ADAMTS16: variants seen among roughly 807,000 people sequenced by gnomAD.
ADAMTS16 encodes ADAM metallopeptidase with thrombospondin type 1 motif 16.
ADAMTS16 carries 94 observed loss-of-function variants against 145.8 expected under a neutral mutation model. The observed-to-expected ratio is 0.64, with a 90% CI of 0.55 to 0.77. ADAMTS16 has a LOEUF of 0.77. Ranked by LOEUF, ADAMTS16 falls within the 30% of genes least tolerant of loss-of-function variation. ADAMTS16 has a pLI of 0.00. For missense variants in ADAMTS16, 1,585 were observed against 1,591.5 expected, an observed-to-expected ratio of 1.00 and a Z score of 0.07; for synonymous variants, 659 against 604.3, an observed-to-expected ratio of 1.09 and a Z score of -1.33.
chr5:5,188,715 CT>C (rs1348570146), intron 6 of ADAMTS16, among the ~76,000 whole-genome samples: 1 of 152,094 alleles, frequency 6.6e-6, no homozygotes, highest in African/African-American at 2.4e-5. Flanking sequence ...TGTTAAAGTT[CT>C]GGGATGCTGC....
intron 9 of ADAMTS16, among the ~76,000 whole-genome samples, chr5:5,205,107 C>T (rs187366967): frequency 3.0e-3 from 453 of 150,992 alleles, no homozygotes; most frequent in Non-Finnish European, 4.2e-3. Context: ...TTTTTCTTCT[C>T]TCTTGGTGAG....
intron 18 of ADAMTS16, among the ~76,000 whole-genome samples, chr5:5,278,481 G>A (rs1329678306): frequency 6.6e-6 from 1 of 152,094 alleles, no homozygotes; most frequent in Admixed American, 6.5e-5. Context: ...TATTATTGTT[G>A]CTAGCTAAGC....
chr5:5,233,757 G>T (rs770951005), intron 12 of ADAMTS16, among the ~76,000 whole-genome samples: 6 of 152,190 alleles, frequency 3.9e-5, no homozygotes, highest in Non-Finnish European at 7.3e-5. Context: ...GGGCGTTTAG[G>T]TTGACTCCAT....
At chr5:5,259,964 GAC>G (rs1398545377) in intron 17 of ADAMTS16, among the ~76,000 whole-genome samples, 7 of 152,104 alleles carry the variant, frequency 4.6e-5, no homozygotes, top group African/African-American at 1.7e-4. Context: ...GGGGACTTTG[GAC>G]ACTCAAAGGC....
chr5:5,185,775 T>TA (rs1388664983), intron 4 of ADAMTS16, among the ~76,000 whole-genome samples: 3 of 152,236 alleles, frequency 2.0e-5, no homozygotes, highest in African/African-American at 7.2e-5. Context: ...TGTTAGGAGT[T>TA]ACAGCCAAAG....
chr5:5,208,315 G>T (rs1026319841), intron 9 of ADAMTS16, among the ~76,000 whole-genome samples: 5 of 152,060 alleles, frequency 3.3e-5, no homozygotes, highest in African/African-American at 1.2e-4. Context: ...CTAGGTTTTT[G>T]TTTTTTTGGT....
chr5:5,246,486 T>C (rs1359653380), intron 17 of ADAMTS16, among the ~76,000 whole-genome samples: 1 of 152,230 alleles, frequency 6.6e-6, no homozygotes, highest in African/African-American at 2.4e-5. Flanking sequence ...CTTGCAAACT[T>C]GCCTTACTTT....
At chr5:5,174,778 T>C (rs1735144407) in intron 3 of ADAMTS16, among the ~76,000 whole-genome samples, 1 of 152,228 alleles carries the variant, frequency 6.6e-6, no homozygotes, top group African/African-American at 2.4e-5. Context: ...AACTCCAGAA[T>C]TTCTTCTTGA....
At chr5:5,155,119 C>G (rs561328171) in intron 3 of ADAMTS16, among the ~76,000 whole-genome samples, 1 of 152,296 alleles carries the variant, frequency 6.6e-6, no homozygotes, top group East Asian at 1.9e-4. Flanking sequence ...ACGAGAGCAG[C>G]CTGATTGTAT....
intron 1 of ADAMTS16, 43 bp from the exon 2 acceptor site, chr5:5,140,621 G>C: frequency 6.6e-7 from 1 of 1,526,616 alleles, no homozygotes; most frequent in Non-Finnish European, 8.8e-7. Context: ...CCTCTCCCGC[G>C]GACCCCGCCG....
At chr5:5,181,494 A>C (rs948654740) in intron 3 of ADAMTS16, among the ~76,000 whole-genome samples, 2 of 152,184 alleles carry the variant, frequency 1.3e-5, no homozygotes, top group Non-Finnish European at 2.9e-5. Flanking sequence ...TATCTTGCTT[A>C]GAGAAACCTT....
intron 18 of ADAMTS16, among the ~76,000 whole-genome samples, chr5:5,298,467 C>T (rs575708480): frequency 7.2e-6 from 1 of 139,712 alleles, no homozygotes; most frequent in African/African-American, 2.6e-5. Context: ...TAGCAAATCC[C>T]CAAGCCAACC....
chr5:5,174,361 T>C (rs1382368112), intron 3 of ADAMTS16, among the ~76,000 whole-genome samples: 9 of 151,814 alleles, frequency 5.9e-5, no homozygotes, highest in Non-Finnish European at 1.5e-5. Context: ...TTTTCTCTTG[T>C]TGCTTTTAGG....
In ADAMTS16 at chr5:5,239,168, T is replaced by C. The variant is rs1185268368; in HGVS notation, c.2172T>C (p.Asn724=). The part of the protein sequence containing the change: ...DGICERVGCD[N]VLGSDAVEDV... ...CCCTCCAGAGAGTTGGATGTGACAA[T>C]GTCCTTGGATCTGATGCTGTTGAAG... Residue 724 remains asparagine, a synonymous_variant, in exon 15 of 23, where the codon AAT becomes AAC. Transcript: ENST00000274181. 6.4e-7 allele frequency: 1 copy of C among 1,569,162 alleles called. No homozygotes were observed. Among genetic ancestry groups the C allele is most frequent in the Non-Finnish European group, 8.6e-7 (1 of 1,159,972 alleles).
At chr5:5,308,751 C>G (rs1352635122) in intron 21 of ADAMTS16, among the ~76,000 whole-genome samples, 2 of 152,094 alleles carry the variant, frequency 1.3e-5, no homozygotes, top group Non-Finnish European at 2.9e-5. Flanking sequence ...GAGTTTGAGA[C>G]CAGCCTGCCC....
intron 17 of ADAMTS16, among the ~76,000 whole-genome samples, chr5:5,248,009 C>T (rs542701728): frequency 6.6e-6 from 1 of 152,342 alleles, no homozygotes; most frequent in Non-Finnish European, 1.5e-5. Flanking sequence ...GTTCAAGGTC[C>T]TGTAATGCGC....
At chr5:5,193,012 T>G (rs918847805) in intron 8 of ADAMTS16, among the ~76,000 whole-genome samples, 7 of 152,216 alleles carry the variant, frequency 4.6e-5, no homozygotes, top group African/African-American at 1.4e-4. Flanking sequence ...TTTTTATTTT[T>G]TTTAAATTTC....
intron 21 of ADAMTS16, among the ~76,000 whole-genome samples, chr5:5,315,414 C>T (rs1255466795): frequency 2.0e-5 from 3 of 151,020 alleles, no homozygotes; most frequent in Non-Finnish European, 4.4e-5. Context: ...ATGAATCAAA[C>T]CACATATTAA....
intron 9 of ADAMTS16, among the ~76,000 whole-genome samples, chr5:5,208,618 G>A (rs758966033): frequency 2.6e-4 from 40 of 152,094 alleles, no homozygotes; most frequent in Non-Finnish European, 2.9e-4. Flanking sequence ...CTACAATCTC[G>A]AAGATAATAT....
Sources: gnomAD v4.1 joint callset for allele counts (sites outside exome capture counted in the v4.1 genomes callset) on GRCh38, gnomAD v4.1.1 for gene constraint, MANE v1.5 for transcripts, NCBI Gene and HGNC (gene_info 2026-07-23, HGNC 2026-07-21) for gene names.